Variants in KCNH1 observed in about 807,000 individuals in gnomAD.
The protein encoded by KCNH1 is potassium voltage-gated channel subfamily H member 1.
In KCNH1, 27 loss-of-function variants were observed where a neutral mutation model predicts 69.2. That is an observed-to-expected ratio of 0.39 (90% CI 0.29 to 0.54). KCNH1 has a LOEUF of 0.54. Ranked by LOEUF, KCNH1 falls within the 20% of genes least tolerant of loss-of-function variation. KCNH1 has a pLI of 0.68. For missense variants in KCNH1, 798 were observed against 1,261.6 expected (o/e 0.63, Z 5.57); for synonymous variants, 456 against 487.7 (o/e 0.93, Z 0.86).
chr1:210,815,383 G>A (rs974533181), intron 7 of KCNH1, among the ~76,000 whole-genome samples: 2 of 152,122 alleles, frequency 1.3e-5, no homozygotes, highest in Admixed American at 1.3e-4. Context: ...TACTGGACAG[G>A]ACAATGGCCA....
chr1:210,985,970 T>C (rs1006408528), intron 6 of KCNH1, among the ~76,000 whole-genome samples: 11 of 152,240 alleles, frequency 7.2e-5, no homozygotes, highest in Non-Finnish European at 8.8e-5. Context: ...GGTGCTCCTG[T>C]ATTGGGTGCA....
At chr1:211,087,795 G>A (rs1343387032) in intron 4 of KCNH1, among the ~76,000 whole-genome samples, 1 of 152,190 alleles carries the variant, frequency 6.6e-6, no homozygotes, top group African/African-American at 2.4e-5. Flanking sequence ...AGATGAGGAA[G>A]TCAGAGGCCT....
At chr1:210,898,688 G>GC (rs1347429644) in intron 7 of KCNH1, among the ~76,000 whole-genome samples, 7 of 151,584 alleles carry the variant, frequency 4.6e-5, no homozygotes, top group Non-Finnish European at 8.8e-5. Flanking sequence ...CGGCGGGGGG[G>GC]GGTCCTGTCA....
At chr1:211,056,732 G>A (rs1690316565) in intron 5 of KCNH1, among the ~76,000 whole-genome samples, 1 of 152,230 alleles carries the variant, frequency 6.6e-6, no homozygotes, top group African/African-American at 2.4e-5. Context: ...AATAAGGGAA[G>A]AGAATAAGTA....
At chr1:210,844,793 G>A (rs1211382006) in intron 7 of KCNH1, among the ~76,000 whole-genome samples, 1 of 152,092 alleles carries the variant, frequency 6.6e-6, no homozygotes, top group East Asian at 1.9e-4. Flanking sequence ...CCAGAAGCTG[G>A]TTTTTTGAAA....
At chr1:210,983,996 T>A (rs764118780) in intron 6 of KCNH1, among the ~76,000 whole-genome samples, 1 of 152,196 alleles carries the variant, frequency 6.6e-6, no homozygotes, top group Non-Finnish European at 1.5e-5. Flanking sequence ...ACATCCCTTG[T>A]TAGTTGGATT....
chr1:211,090,485 C>T, intron 4 of KCNH1, 77 bp downstream of exon 4: 1 of 1,343,640 alleles, frequency 7.4e-7, no homozygotes, highest in Non-Finnish European at 1.0e-6. Flanking sequence ...CCTTGACAAC[C>T]TTAAATGCTC....
At chr1:210,950,200 T>G (rs1688036861) in intron 6 of KCNH1, among the ~76,000 whole-genome samples, 1 of 151,936 alleles carries the variant, frequency 6.6e-6, no homozygotes, top group East Asian at 1.9e-4. Context: ...GTCACTTCAC[T>G]TCTCAGTTTA....
chr1:211,100,636 C>T lies in KCNH1; in HGVS notation c.310+2860G>A, dbSNP rs372113027. 4.6e-5 allele frequency among the ~76,000 whole-genome samples: 7 copies of T among 152,356 alleles called. No individual in the cohort carries two copies. In the East Asian group the frequency reaches 1.4e-3, roughly 29 times the overall value. ...AAAGTGCCGGGATTACAGGCATGAG[C>T]CACTGCACCCGGCCCCTCATGTATT... On this transcript the variant is annotated intron_variant, in intron 3 of 10. Coordinates refer to ENST00000271751, the MANE Select transcript of KCNH1 (RefSeq NM_172362.3).
intron 6 of KCNH1, among the ~76,000 whole-genome samples, chr1:210,940,823 A>G (rs1272462315): frequency 6.6e-6 from 1 of 152,254 alleles, no homozygotes; most frequent in Non-Finnish European, 1.5e-5. Flanking sequence ...CAAGGAAATG[A>G]AATTAATCCA....
intron 10 of KCNH1, among the ~76,000 whole-genome samples, chr1:210,766,643 C>T (rs1369116665): frequency 6.6e-6 from 1 of 152,176 alleles, no homozygotes; most frequent in Non-Finnish European, 1.5e-5. Context: ...GAGTCAGGGT[C>T]CCATTATGAA....
At chr1:210,907,293 G>A (rs1246830682) in intron 7 of KCNH1, among the ~76,000 whole-genome samples, 3 of 152,114 alleles carry the variant, frequency 2.0e-5, no homozygotes, top group African/African-American at 7.2e-5. Flanking sequence ...GTACCCAGTG[G>A]GGAAGGACTC....
At chr1:210,876,837 T>A (rs1331141379) in intron 7 of KCNH1, among the ~76,000 whole-genome samples, 2 of 152,084 alleles carry the variant, frequency 1.3e-5, no homozygotes. Flanking sequence ...CGTCACTAAG[T>A]GCCAATATAC....
intron 5 of KCNH1, among the ~76,000 whole-genome samples, chr1:211,043,104 T>C (rs1449067417): frequency 6.6e-6 from 1 of 151,772 alleles, no homozygotes. Flanking sequence ...GAAATAACCA[T>C]GATCAGAGCA....
chr1:210,756,292 A>G (rs145498969), intron 10 of KCNH1, among the ~76,000 whole-genome samples: 129 of 152,296 alleles, frequency 8.5e-4, no homozygotes, highest in African/African-American at 3.0e-3. Flanking sequence ...CACTTTACCA[A>G]TAGGGGGTGT....
chr1:210,968,768 G>A (rs959197337), intron 6 of KCNH1, among the ~76,000 whole-genome samples: 6 of 151,632 alleles, frequency 4.0e-5, no homozygotes, highest in Non-Finnish European at 8.8e-5. Context: ...CTGGATATTA[G>A]CCCTTTGTCA....
chr1:210,946,988 C>T (rs181778230), intron 6 of KCNH1, among the ~76,000 whole-genome samples: 5 of 152,270 alleles, frequency 3.3e-5, no homozygotes, highest in African/African-American at 7.2e-5. Context: ...GCAATATCAC[C>T]GCCAACTTAC....
chr1:210,765,567 T>C (rs1683612014), intron 10 of KCNH1, among the ~76,000 whole-genome samples: 1 of 152,132 alleles, frequency 6.6e-6, no homozygotes, highest in African/African-American at 2.4e-5. Flanking sequence ...ACTTGGCAGA[T>C]GAGACAATAA....
intron 6 of KCNH1, among the ~76,000 whole-genome samples, chr1:210,929,158 T>A (rs1380989966): frequency 6.6e-6 from 1 of 151,940 alleles, no homozygotes; most frequent in African/African-American, 2.4e-5. Flanking sequence ...AAAGAGGGAA[T>A]CCTCCGTAAA....
Sources: allele counts gnomAD v4.1 joint callset (sites outside exome capture counted in the v4.1 genomes callset), GRCh38; gene constraint gnomAD v4.1.1; transcripts MANE v1.5; gene names NCBI Gene and HGNC (gene_info 2026-07-23, HGNC 2026-07-21).